AGO3: variants seen among roughly 807,000 people sequenced by gnomAD.
AGO3 encodes argonaute RISC catalytic component 3.
AGO3 carries 16 observed loss-of-function variants against 105.5 expected under a neutral mutation model. The observed-to-expected ratio is 0.15, with a 90% CI of 0.10 to 0.23. The LOEUF is 0.23. AGO3 is among the 10% of genes least tolerant of loss of function. The pLI is 1.00. For synonymous variants in AGO3, 340 were observed against 367.3 expected (o/e 0.93, Z 0.85); for missense variants, 534 against 1,088.0 (o/e 0.49, Z 7.16).
chr1:36,036,150 C>T, intron 13 of AGO3, 27 bp from the exon 14 acceptor site: 2 of 1,599,440 alleles, frequency 1.3e-6, no homozygotes, highest in South Asian at 1.1e-5. Flanking sequence ...AATGAAATAT[C>T]TAACCCTTTT....
chr1:36,036,499 T>G (rs990749468), intron 14 of AGO3, among the ~76,000 whole-genome samples: 1 of 152,212 alleles, frequency 6.6e-6, no homozygotes, highest in Non-Finnish European at 1.5e-5. Flanking sequence ...CTTTAATTTG[T>G]CTACTTGACC....
At chr1:35,946,454 T>C (rs1646366643) in intron 2 of AGO3, among the ~76,000 whole-genome samples, 1 of 152,186 alleles carries the variant, frequency 6.6e-6, no homozygotes. Flanking sequence ...ATAAGAGGAA[T>C]TTATGATTGG....
chr1:36,055,861 G>A lies in AGO3; in HGVS notation c.*116G>A. ...CTCCAGCCATACAGAAACCAACACT[G>A]TGTGGGGGCCAAGGTCTGATCCTTA... On this transcript the variant is annotated 3_prime_UTR_variant, in exon 19 of 19. Coordinates refer to ENST00000373191, the MANE Select transcript of AGO3 (RefSeq NM_024852.4). The surrounding 1 kb of genome is among the most constrained non-coding windows in gnomAD (Gnocchi z 4.4). 1 of 905,262 alleles carries A rather than the reference G, an allele frequency of 1.1e-6. No homozygotes were observed. The highest frequency in any genetic ancestry group is 1.7e-6 in the Non-Finnish European group (1 of 585,988). The allele number at this position is 905,262 out of a possible 1,614,324, so 56.1% of individuals were successfully genotyped here. A position where few individuals can be genotyped will look rare whatever the true frequency, so the allele number is the denominator to read the frequency against.
intron 17 of AGO3, among the ~76,000 whole-genome samples, chr1:36,050,747 A>G (rs1215892925): frequency 6.8e-6 from 1 of 147,164 alleles, no homozygotes; most frequent in Non-Finnish European, 1.5e-5. Context: ...CCGAGATCAC[A>G]CCATTGCACA....
At position 36,070,175 on chromosome 1, in the gene AGO3, TC is replaced by T. The variant is rs1643143256; in HGVS notation, c.*14433del. 1 of 152,256 alleles carries T rather than the reference TC, an allele frequency of 6.6e-6. No individual in the cohort carries two copies. Among genetic ancestry groups the T allele is most frequent in the African/African-American group, 2.4e-5 (1 of 41,470 alleles). 9.4% of individuals were successfully genotyped at this position (152,256 alleles called of 1,614,324 possible). A position where few individuals can be genotyped will look rare whatever the true frequency, so the allele number is the denominator to read the frequency against. The stretch of plus-strand genomic sequence containing the variant: ...GGCTATTGTACAACTAGATGGTTAT[TC>T]CCTGTTTCTTGGCCGATTTTTGGTA... On this transcript the variant is annotated 3_prime_UTR_variant, in exon 19 of 19. Coordinates refer to ENST00000373191, the MANE Select transcript of AGO3 (RefSeq NM_024852.4).
In AGO3 at chr1:36,068,360, G is replaced by A. The variant is rs1477566972; in HGVS notation, c.*12615G>A. On this transcript the variant is annotated 3_prime_UTR_variant, in exon 19 of 19. Coordinates refer to ENST00000373191, the MANE Select transcript of AGO3 (RefSeq NM_024852.4). ...CAGGAATATGATGTATTATGGCACA[G>A]TGATAATATTATTGTTGATATTAGC... The A allele has an allele frequency of 1.3e-5, 2 of 152,206 alleles. No individual in the cohort carries two copies. The highest frequency in any genetic ancestry group is 4.8e-5 in the African/African-American group (2 of 41,440). The allele number at this position is 152,206 out of a possible 1,614,324, so 9.4% of individuals were successfully genotyped here. A position where few individuals can be genotyped will look rare whatever the true frequency, so the allele number is the denominator to read the frequency against.
At position 35,992,528 on chromosome 1, in the gene AGO3, C is replaced by A. The variant is rs573650278; in HGVS notation, c.659-11813C>A. 2.6e-5 allele frequency among the ~76,000 whole-genome samples: 4 copies of A among 151,908 alleles called. No homozygotes were observed. In the South Asian group the frequency reaches 8.3e-4, roughly 32 times the overall value. ...TGTACCTTAAATTTTTTTTTAAATT[C>A]ATAGTTACAGTGGAGTTTGAGAAAG... On this transcript the variant is annotated intron_variant, in intron 5 of 18. Transcript: ENST00000373191.
chr1:35,982,543 A>ATCCT, intron 5 of AGO3: 1 of 637,898 alleles, frequency 1.6e-6, no homozygotes, highest in Non-Finnish European at 2.9e-6. Flanking sequence ...AAATAGGAAA[A>ATCCT]CTTCTCTCTA....
intron 14 of AGO3, among the ~76,000 whole-genome samples, chr1:36,037,630 A>G (rs1487783158): frequency 6.6e-6 from 1 of 152,252 alleles, no homozygotes; most frequent in African/African-American, 2.4e-5. Flanking sequence ...TGATAGTAAT[A>G]TTTAAATTTC....
intron 17 of AGO3, among the ~76,000 whole-genome samples, chr1:36,045,326 A>G (rs1269041490): frequency 1.3e-5 from 2 of 151,844 alleles, no homozygotes; most frequent in African/African-American, 4.8e-5. Context: ...GGTTCAAGCA[A>G]TTCTCCTGCC....
rs1316520970 is a variant in AGO3 at position 36,056,806 on chromosome 1, A to G, written c.*1061A>G. The G allele has an allele frequency of 6.7e-6, 1 of 150,004 alleles. No individual in the cohort carries two copies. The highest frequency in any genetic ancestry group is 1.5e-5 in the Non-Finnish European group (1 of 67,722). The allele number at this position is 150,004 out of a possible 1,614,324, so 9.3% of individuals were successfully genotyped here. ...CACCAGGCTGGAGTGCAGTGGCGAG[A>G]TCTCGGCTCACTGCAACTTCCGCCT... On this transcript the variant is annotated 3_prime_UTR_variant, in exon 19 of 19. Transcript: ENST00000373191.
chr1:35,938,407 AT>A (rs1557640546), intron 1 of AGO3, among the ~76,000 whole-genome samples: 1 of 152,196 alleles, frequency 6.6e-6, no homozygotes, highest in African/African-American at 2.4e-5. Context: ...AGATGAAACC[AT>A]TGTTAACTCT....
intron 11 of AGO3, among the ~76,000 whole-genome samples, chr1:36,020,345 G>A (rs1335041510): frequency 6.6e-6 from 1 of 152,200 alleles, no homozygotes; most frequent in African/African-American, 2.4e-5. Context: ...TACTGACTGA[G>A]TTAGCATGAA....
intron 11 of AGO3, among the ~76,000 whole-genome samples, chr1:36,017,768 T>C (rs2148823572): frequency 6.6e-6 from 1 of 151,794 alleles, no homozygotes; most frequent in South Asian, 2.1e-4. Flanking sequence ...CCGAGCACAG[T>C]GGTGCACGCC....
At chr1:35,995,548 T>G (rs899311842) in intron 5 of AGO3, among the ~76,000 whole-genome samples, 1 of 152,162 alleles carries the variant, frequency 6.6e-6, no homozygotes, top group African/African-American at 2.4e-5. Flanking sequence ...TGGGTATTTG[T>G]ATTAAAAAAA....
At chr1:35,954,273 A>G (rs1007170301) in intron 2 of AGO3, among the ~76,000 whole-genome samples, 25 of 152,322 alleles carry the variant, frequency 1.6e-4, no homozygotes, top group South Asian at 2.1e-4. Flanking sequence ...TCTAAATACA[A>G]TACTAAGTAG....
intron 2 of AGO3, 116 bp downstream of exon 2, chr1:35,945,979 C>A (rs970535127): frequency 3.7e-6 from 4 of 1,080,504 alleles, no homozygotes; most frequent in Middle Eastern, 3.2e-4. Flanking sequence ...CCAAAAACAT[C>A]TGGTAATTTG....
At chr1:35,947,129 G>A (rs1646381234) in intron 2 of AGO3, among the ~76,000 whole-genome samples, 1 of 151,634 alleles carries the variant, frequency 6.6e-6, no homozygotes, top group African/African-American at 2.4e-5. Flanking sequence ...ATTTATTTTT[G>A]AAGGAAGGAT....
chr1:36,004,687 A>G (rs1640259267), intron 6 of AGO3, among the ~76,000 whole-genome samples: 1 of 152,178 alleles, frequency 6.6e-6, no homozygotes, highest in African/African-American at 2.4e-5. Context: ...TAGTATCACT[A>G]CCAGCTAATT....
Sources: gnomAD v4.1 joint callset for allele counts (sites outside exome capture counted in the v4.1 genomes callset) on GRCh38, gnomAD v4.1.1 for gene constraint, Gnocchi (gnomAD v3.1) non-coding constraint, MANE v1.5 for transcripts, NCBI Gene and HGNC (gene_info 2026-07-23, HGNC 2026-07-21) for gene names.